The following ASB18 variants were observed in gnomAD, a reference collection of about 807,000 sequenced individuals.
The protein encoded by ASB18 is ankyrin repeat and SOCS box containing 18.
In ASB18, 33 loss-of-function variants were observed where a neutral mutation model predicts 33.4. The ratio of observed to expected loss-of-function variants is 0.99; its 90% confidence interval spans 0.75 to 1.32. ASB18 has a LOEUF of 1.32. ASB18 is among the 40% of genes most tolerant of loss of function. ASB18 has a pLI of 0.00. For synonymous variants in ASB18, 295 were observed against 307.6 expected (o/e 0.96, Z 0.43); for missense variants, 694 against 655.5 (o/e 1.06, Z -0.64).
rs372175988 is a variant in ASB18 at position 236,252,888 on chromosome 2, G to A, written c.205+11253C>T. Among the ~76,000 whole-genome samples the A allele has an allele frequency of 4.2e-4, 64 of 152,322 alleles. 1 individual carries two copies. The highest frequency in any genetic ancestry group is 1.5e-3 in the African/African-American group (62 of 41,582). The stretch of plus-strand genomic sequence containing the variant: ...CATGGTTTGCCTCAGCTGCAGAGCT[G>A]CATCACCTAAGAACACTCCTCCCAA... On this transcript the variant is annotated intron_variant, in intron 1 of 5. Coordinates refer to ENST00000409749, the MANE Select transcript of ASB18 (RefSeq NM_212556.4). The surrounding 1 kb of genome is among the most constrained non-coding windows in gnomAD (Gnocchi z 7.9).
rs1307730897 is a variant in ASB18, at chr2:236,234,251, C to A, written c.596+3438G>T. Among the ~76,000 whole-genome samples, 1 of 152,120 alleles carries A rather than the reference C, an allele frequency of 6.6e-6. No homozygotes were observed. The highest frequency in any genetic ancestry group is 2.4e-5 in the African/African-American group (1 of 41,436). ...CCCTTGCCCCCTCCCCTGGCTATGT[C>A]CCCTAGGAGGCTGCTATGAGATGGT... On this transcript the variant is annotated intron_variant, in intron 3 of 5. Coordinates refer to ENST00000409749, the MANE Select transcript of ASB18 (RefSeq NM_212556.4). The surrounding 1 kb of genome is among the most constrained non-coding windows in gnomAD (Gnocchi z 4.1).
rs1277106276 is a variant in ASB18 at position 236,209,021 on chromosome 2, C to T, written c.1101+5341G>A. Among the ~76,000 whole-genome samples the T allele has an allele frequency of 6.6e-6, 1 of 152,040 alleles. No homozygotes were observed. The highest frequency in any genetic ancestry group is 1.5e-5 in the Non-Finnish European group (1 of 68,004). On this transcript the variant is annotated intron_variant, in intron 4 of 5. Coordinates refer to ENST00000409749, the MANE Select transcript of ASB18 (RefSeq NM_212556.4). The surrounding 1 kb of genome is among the most constrained non-coding windows in gnomAD (Gnocchi z 4.4). ...ACAGGCGCCCTACTTATGATCTCCC[C>T]TCTCTCCTCCCACTGGGGACTGGGT...
intron 4 of ASB18, among the ~76,000 whole-genome samples, chr2:236,206,578 A>G (rs1270036500): frequency 2.0e-5 from 3 of 152,226 alleles, no homozygotes; most frequent in African/African-American, 7.2e-5. Flanking sequence ...CTACTTCTGC[A>G]CTTACTGTTA....
Position 236,221,597 on chromosome 2 carries a change from C to T in ASB18, c.597-6731G>A, listed in dbSNP as rs899331420. On this transcript the variant is annotated intron_variant, in intron 3 of 5. Coordinates refer to ENST00000409749, the MANE Select transcript of ASB18 (RefSeq NM_212556.4). The surrounding 1 kb of genome is among the most constrained non-coding windows in gnomAD (Gnocchi z 5.6). ...CTTTCACCTTCCACCTCCCCAGCCA[C>T]ATGGAACAGTAAGTCCAATAAACCT... 7.2e-5 allele frequency among the ~76,000 whole-genome samples: 11 copies of T among 152,184 alleles called. No homozygotes were observed. Among genetic ancestry groups the T allele is most frequent in the African/African-American group, 2.7e-4 (11 of 41,444 alleles).
intron 1 of ASB18, among the ~76,000 whole-genome samples, chr2:236,261,279 G>A (rs566475521): frequency 3.3e-5 from 5 of 152,294 alleles, no homozygotes; most frequent in Non-Finnish European, 5.9e-5. Flanking sequence ...TCTCATCTTT[G>A]TTACTTTGCC....
chr2:236,262,922 A>T lies in ASB18; in HGVS notation c.205+1219T>A, dbSNP rs1368484856. Among the ~76,000 whole-genome samples, 2 of 151,758 alleles carry T rather than the reference A, an allele frequency of 1.3e-5. No individual in the cohort carries two copies. Among genetic ancestry groups the T allele is most frequent in the Admixed American group, 1.3e-4 (2 of 15,240 alleles). On this transcript the variant is annotated intron_variant, in intron 1 of 5. Transcript: ENST00000409749. The surrounding 1 kb of genome is among the most constrained non-coding windows in gnomAD (Gnocchi z 5.2). ...ACCCCCTCGGAAGTTCCAATCTCAG[A>T]CTCCTCGCCTCAGCACCCTGCAAGC... is the stretch of plus-strand genomic sequence containing the variant.
chr2:236,218,496 A>T (rs916323424), intron 3 of ASB18, among the ~76,000 whole-genome samples: 1 of 152,226 alleles, frequency 6.6e-6, no homozygotes, highest in Non-Finnish European at 1.5e-5. Flanking sequence ...ATCTATGCGT[A>T]TATGAAGAAT....
chr2:236,238,172 A>T lies in ASB18; in HGVS notation c.329-216T>A, dbSNP rs560239249. Among the ~76,000 whole-genome samples, 5 of 152,120 alleles carry T rather than the reference A, an allele frequency of 3.3e-5. No homozygotes were observed. The highest frequency in any genetic ancestry group is 7.4e-5 in the Non-Finnish European group (5 of 68,020). On this transcript the variant is annotated intron_variant, in intron 2 of 5. Coordinates refer to ENST00000409749, the MANE Select transcript of ASB18 (RefSeq NM_212556.4). The surrounding 1 kb of genome is among the most constrained non-coding windows in gnomAD (Gnocchi z 5.2). ...CAGGCGTAGACAGAGGAAGAAATAC[A>T]AAGGAGAGATTGAAGGCTAAAACCG...
chr2:236,232,288 T>C (rs1458315688), intron 3 of ASB18, among the ~76,000 whole-genome samples: 2 of 151,004 alleles, frequency 1.3e-5, no homozygotes, highest in African/African-American at 4.8e-5. Flanking sequence ...AATTAGAAAG[T>C]ATTTAAAACT....
Position 236,214,244 on chromosome 2 carries a change from C to T in ASB18, c.1101+118G>A. 9.3e-7 allele frequency: 1 copy of T among 1,077,710 alleles called. No homozygotes were observed. Among genetic ancestry groups the T allele is most frequent in the African/African-American group, 1.7e-5 (1 of 59,692 alleles). The allele number at this position is 1,077,710 out of a possible 1,614,324, so 66.8% of individuals were successfully genotyped here. A position where few individuals can be genotyped will look rare whatever the true frequency, so the allele number is the denominator to read the frequency against. On this transcript the variant is annotated intron_variant, in intron 4 of 5. Coordinates refer to ENST00000409749, the MANE Select transcript of ASB18 (RefSeq NM_212556.4). This position sits in a 1 kb window ranked among gnomAD's most constrained non-coding sequence, Gnocchi z 6.5. ...GAGCAGATTCTGCATTTTCACAAGT[C>T]CCCAGGGGTGCCTGGGCCATTACAC... is the stretch of plus-strand genomic sequence containing the variant.
Position 236,264,098 on chromosome 2 carries a change from C to T in ASB18, c.205+43G>A, listed in dbSNP as rs768206737. The stretch of plus-strand genomic sequence containing the variant: ...GGATCTGCCCACCCCATCAGTGTAA[C>T]TTAGTAATTAAATCCCAGATGCAGC... On this transcript the variant is annotated intron_variant, in intron 1 of 5. Coordinates refer to ENST00000409749, the MANE Select transcript of ASB18 (RefSeq NM_212556.4). This position sits in a 1 kb window ranked among gnomAD's most constrained non-coding sequence, Gnocchi z 5.1. 3 of 1,575,782 alleles carry T rather than the reference C, an allele frequency of 1.9e-6. No individual in the cohort carries two copies. The highest frequency in any genetic ancestry group is 4.5e-5 in the East Asian group (2 of 44,562).
Position 236,205,733 on chromosome 2 carries a change from C to T in ASB18, c.1101+8629G>A, listed in dbSNP as rs1351991701. 6.6e-6 allele frequency among the ~76,000 whole-genome samples: 1 copy of T among 152,098 alleles called. No individual in the cohort carries two copies. Among genetic ancestry groups the T allele is most frequent in the Non-Finnish European group, 1.5e-5 (1 of 68,026 alleles). On this transcript the variant is annotated intron_variant, in intron 4 of 5. Transcript: ENST00000409749. This position sits in a 1 kb window ranked among gnomAD's most constrained non-coding sequence, Gnocchi z 5.4. ...CATTAGAAAGGCATGTTTTATGAAC[C>T]CTTGATATCTAAAAGTGTCTTTCAT...
chr2:236,194,867 G>A lies in ASB18; in HGVS notation c.*5C>T, dbSNP rs767004755. The A allele has an allele frequency of 1.9e-6, 3 of 1,611,476 alleles. No homozygotes were observed. The highest frequency in any genetic ancestry group is 1.1e-5 in the South Asian group (1 of 90,394). On this transcript the variant is annotated 3_prime_UTR_variant, in exon 6 of 6. Transcript: ENST00000409749. This position sits in a 1 kb window ranked among gnomAD's most constrained non-coding sequence, Gnocchi z 4.5. ...ACAACAGTATTGGTTGCAGCGTTCTGCGTTTCAGTGCAAAACACCCTGTGG... is the reference window on the plus strand; with the variant it reads ...ACAACAGTATTGGTTGCAGCGTTCTACGTTTCAGTGCAAAACACCCTGTGG...
At chr2:236,224,334 T>C (rs1427674769) in intron 3 of ASB18, among the ~76,000 whole-genome samples, 2 of 152,112 alleles carry the variant, frequency 1.3e-5, no homozygotes, top group African/African-American at 4.8e-5. Context: ...ATGTTGTTCA[T>C]AAAGTGTCTG....
chr2:236,211,560 C>T lies in ASB18; in HGVS notation c.1101+2802G>A, dbSNP rs984303867. Among the ~76,000 whole-genome samples, 2 of 152,374 alleles carry T rather than the reference C, an allele frequency of 1.3e-5. No homozygotes were observed. The highest frequency in any genetic ancestry group is 1.3e-4 in the Admixed American group (2 of 15,310). On this transcript the variant is annotated intron_variant, in intron 4 of 5. Transcript: ENST00000409749. The surrounding 1 kb of genome is among the most constrained non-coding windows in gnomAD (Gnocchi z 5.0). The stretch of plus-strand genomic sequence containing the variant: ...TCACAGTACGGCTGCTGCCCACGGA[C>T]GGCTTGCCCTGTGACAGTGCTGGTG...
rs2060686490 is a variant in ASB18 at position 236,255,183 on chromosome 2, G to T, written c.205+8958C>A. Among the ~76,000 whole-genome samples the T allele has an allele frequency of 6.6e-6, 1 of 151,466 alleles. No homozygotes were observed. The highest frequency in any genetic ancestry group is 2.1e-4 in the South Asian group (1 of 4,766). On this transcript the variant is annotated intron_variant, in intron 1 of 5. Transcript: ENST00000409749. The surrounding 1 kb of genome is among the most constrained non-coding windows in gnomAD (Gnocchi z 4.4). ...CTTTGAGACGGAGTCTCATTCTGTC[G>T]CCCAGGCCTGAGTGCAGTAGCGCGA... is the stretch of plus-strand genomic sequence containing the variant.
In ASB18 at chr2:236,257,881, T is replaced by G. The variant is rs2060700198; in HGVS notation, c.205+6260A>C. Among the ~76,000 whole-genome samples the G allele has an allele frequency of 6.6e-6, 1 of 152,174 alleles. No homozygotes were observed. Among genetic ancestry groups the G allele is most frequent in the Non-Finnish European group, 1.5e-5 (1 of 68,032 alleles). On this transcript the variant is annotated intron_variant, in intron 1 of 5. Coordinates refer to ENST00000409749, the MANE Select transcript of ASB18 (RefSeq NM_212556.4). The surrounding 1 kb of genome is among the most constrained non-coding windows in gnomAD (Gnocchi z 5.5). ...GTGTGTCATGCAACTTCTCCAAGCCTCATTTTCCTCAGCTGGAGGAGTGGA... is the reference window on the plus strand; with the variant it reads ...GTGTGTCATGCAACTTCTCCAAGCCGCATTTTCCTCAGCTGGAGGAGTGGA...
intron 1 of ASB18, among the ~76,000 whole-genome samples, chr2:236,261,671 G>C (rs1165391556): frequency 2.0e-5 from 3 of 152,164 alleles, no homozygotes; most frequent in African/African-American, 7.2e-5. Context: ...TAGTACATGT[G>C]TATGTGTCAG....
Position 236,211,114 on chromosome 2 carries a change from C to G in ASB18, c.1101+3248G>C, listed in dbSNP as rs1428319037. Among the ~76,000 whole-genome samples the G allele has an allele frequency of 6.6e-6, 1 of 152,220 alleles. No individual in the cohort carries two copies. Among genetic ancestry groups the G allele is most frequent in the Non-Finnish European group, 1.5e-5 (1 of 68,050 alleles). On this transcript the variant is annotated intron_variant, in intron 4 of 5. Transcript: ENST00000409749. The surrounding 1 kb of genome is among the most constrained non-coding windows in gnomAD (Gnocchi z 5.0). ...ACCAAGCATCCAGCCCAAAAAGTCA[C>G]CTGTGGCAGATGCCAAACAAGTTCA...
Sources: gnomAD v4.1 joint callset for allele counts (sites outside exome capture counted in the v4.1 genomes callset) on GRCh38, gnomAD v4.1.1 for gene constraint, Gnocchi (gnomAD v3.1) non-coding constraint, MANE v1.5 for transcripts, NCBI Gene and HGNC (gene_info 2026-07-23, HGNC 2026-07-21) for gene names.